Variants in RAB33A observed in about 807,000 individuals in gnomAD.
The protein encoded by RAB33A is RAB33A, member RAS oncogene family, also known as ras-related protein Rab-33A.
A neutral mutation model predicts 12.0 loss-of-function variants in RAB33A; 6 were observed. The ratio of observed to expected loss-of-function variants is 0.50; its 90% CI spans 0.27 to 0.99. The LOEUF (loss-of-function observed/expected upper bound fraction) is 0.99, where lower values mean the gene tolerates loss of function less well. RAB33A is among the 50% of genes least tolerant of loss of function. The probability of loss-of-function intolerance (pLI) is 0.11; values close to 1 mark genes in which losing one functional copy is unlikely to be tolerated. For missense variants in RAB33A, 109 were observed against 192.0 expected, an observed-to-expected ratio of 0.57 and a Z score of 2.55; for synonymous variants, 70 against 82.4, an observed-to-expected ratio of 0.85 and a Z score of 0.81.
the RAB33A span, chrX:130,165,447 T>C: frequency 1.5e-6 from 1 of 671,331 alleles, no homozygotes; most frequent in South Asian, 2.3e-5. Context: ...CGTGACTATG[T>C]GTTAAGTTTC....
At chrX:130,175,803 C>G (rs1348212433) in intron 1 of RAB33A, among the ~76,000 whole-genome samples, 5 of 111,340 alleles carry the variant, frequency 4.5e-5, no homozygotes, top group African/African-American at 1.6e-4. Flanking sequence ...CTTTTTGCAC[C>G]TTGATTATCT....
the RAB33A span, chrX:130,165,545 A>G: frequency 8.4e-7 from 1 of 1,183,481 alleles, no homozygotes; most frequent in Non-Finnish European, 1.1e-6. Context: ...GGAATGGGTC[A>G]GTCACCTGGG....
chrX:130,138,337 C>T, the RAB33A span, among the ~76,000 whole-genome samples: 2 of 110,131 alleles, frequency 1.8e-5, no homozygotes, highest in Admixed American at 9.7e-5. Flanking sequence ...TGGTTACAGG[C>T]GCCTGTAGTC....
upstream of RAB33A, among the ~76,000 whole-genome samples, chrX:130,167,787 T>C (rs1285596596): frequency 9.1e-6 from 1 of 110,081 alleles, no homozygotes; most frequent in African/African-American, 3.3e-5. Context: ...CAGGCAAGTA[T>C]GGTGGGGGGC....
the RAB33A span, chrX:130,155,300 T>C: frequency 8.3e-7 from 1 of 1,207,160 alleles, no homozygotes; most frequent in South Asian, 1.8e-5. Flanking sequence ...TAGGTAAAGA[T>C]AAGGCCAAGA....
At chrX:130,146,305 G>A in the RAB33A span, among the ~76,000 whole-genome samples, 51,871 of 107,632 alleles carry the variant, frequency 0.48, 9,920 homozygotes, top group African/African-American at 0.67. Context: ...TAAAAGGCAC[G>A]TGGTGGTACG....
At chrX:130,155,708 G>T in the RAB33A span, among the ~76,000 whole-genome samples, 1 of 111,652 alleles carries the variant, frequency 9.0e-6, no homozygotes, top group Non-Finnish European at 1.9e-5. Context: ...TTCAATCAAG[G>T]GTGTTACTAG....
At chrX:130,163,029 A>G in the RAB33A span, among the ~76,000 whole-genome samples, 1 of 111,833 alleles carries the variant, frequency 8.9e-6, no homozygotes, top group Non-Finnish European at 1.9e-5. Flanking sequence ...GACAGATGTC[A>G]ACGAGATAGT....
At chrX:130,165,141 C>A in the RAB33A span, among the ~76,000 whole-genome samples, 1 of 108,656 alleles carries the variant, frequency 9.2e-6, no homozygotes, top group South Asian at 4.0e-4. Context: ...GAGCAGATAA[C>A]ACCCTCATTT....
chrX:130,127,195 C>G, the RAB33A span, among the ~76,000 whole-genome samples: 1 of 111,176 alleles, frequency 9.0e-6, no homozygotes, highest in Non-Finnish European at 1.9e-5. Flanking sequence ...GGACATGGAC[C>G]AAGTGGTGGC....
At chrX:130,150,527 G>A in the RAB33A span, among the ~76,000 whole-genome samples, 26 of 102,616 alleles carry the variant, frequency 2.5e-4, no homozygotes, top group South Asian at 9.1e-4. Flanking sequence ...AGTAGAGACG[G>A]GGTTTCACCG....
chrX:130,184,266 G>T lies in RAB33A; in HGVS notation c.259-19G>T. On this transcript the variant is annotated intron_variant, in intron 1 of 1. Coordinates refer to ENST00000257017, the MANE Select transcript of RAB33A (RefSeq NM_004794.3). ...TGTTCCCTTTTCTGACTCCACCTTTGGGTTTTTGTATCTTCCAGGTTCAGG... is the reference window on the plus strand; with the variant it reads ...TGTTCCCTTTTCTGACTCCACCTTTTGGTTTTTGTATCTTCCAGGTTCAGG... 1 of 1,188,398 alleles carries T rather than the reference G, an allele frequency of 8.4e-7. No homozygotes were observed. The highest frequency in any genetic ancestry group is 2.2e-5 in the Admixed American group (1 of 45,092).
chrX:130,116,267 C>T, the RAB33A span, among the ~76,000 whole-genome samples: 4 of 108,584 alleles, frequency 3.7e-5, no homozygotes, highest in Non-Finnish European at 5.7e-5. Context: ...TTACAGACGC[C>T]TGCCACCACG....
the RAB33A span, among the ~76,000 whole-genome samples, chrX:130,111,177 C>T: frequency 9.3e-6 from 1 of 107,999 alleles, no homozygotes; most frequent in Non-Finnish European, 1.9e-5. Context: ...CGAGGCAGGG[C>T]GCCCGCAGAG....
the RAB33A span, chrX:130,136,329 C>G: frequency 6.8e-6 from 5 of 739,951 alleles, no homozygotes; most frequent in African/African-American, 1.1e-4. Context: ...ATTTTAAGTT[C>G]TATTTCATAA....
chrX:130,183,855 T>C (rs952136742), intron 1 of RAB33A, among the ~76,000 whole-genome samples: 4 of 112,241 alleles, frequency 3.6e-5, no homozygotes, highest in Non-Finnish European at 7.5e-5. Context: ...TCTGCTCATC[T>C]GTCAAAGAAC....
chrX:130,166,507 C>T, the RAB33A span, among the ~76,000 whole-genome samples: 2 of 112,186 alleles, frequency 1.8e-5, no homozygotes, highest in African/African-American at 6.5e-5. Context: ...CTAAGCAGAA[C>T]TTTCAGTTAT....
At chrX:130,126,415 C>A in the RAB33A span, among the ~76,000 whole-genome samples, 1 of 109,989 alleles carries the variant, frequency 9.1e-6, no homozygotes, top group East Asian at 2.8e-4. Context: ...TCGCTTGAAC[C>A]CAGGAGGTGG....
At chrX:130,138,272 T>C in the RAB33A span, among the ~76,000 whole-genome samples, 2 of 110,626 alleles carry the variant, frequency 1.8e-5, no homozygotes, top group Non-Finnish European at 3.8e-5. Flanking sequence ...GAGACAGTCC[T>C]GGCTAACACG....
Sources: allele counts gnomAD v4.1 joint callset (sites outside exome capture counted in the v4.1 genomes callset), GRCh38; gene constraint gnomAD v4.1.1; transcripts MANE v1.5; gene names NCBI Gene and HGNC (gene_info 2026-07-23, HGNC 2026-07-21).